Variants in PIP5K1A observed in about 807,000 individuals in gnomAD.
PIP5K1A encodes phosphatidylinositol-4-phosphate 5-kinase type 1 alpha, also known as phosphatidylinositol 4-phosphate 5-kinase type-1 alpha.
In PIP5K1A, 46 loss-of-function variants were observed where a neutral mutation model predicts 72.9. The observed-to-expected ratio is 0.63, with a 90% confidence interval of 0.50 to 0.81. The LOEUF (loss-of-function observed/expected upper bound fraction) is 0.81. Ranked by LOEUF, PIP5K1A falls within the 30% of genes least tolerant of loss-of-function variation. The pLI is 0.00. For missense variants in PIP5K1A, 458 were observed against 706.1 expected (o/e 0.65, Z 3.98); for synonymous variants, 228 against 255.1 (o/e 0.89, Z 1.01).
chr1:151,231,931 C>A (rs1402446567), intron 5 of PIP5K1A, 130 bp downstream of exon 5: 1 of 825,890 alleles, frequency 1.2e-6, no homozygotes, highest in Non-Finnish European at 2.0e-6. Context: ...ACAATCAGGG[C>A]GATGTGGGAC....
In PIP5K1A at chr1:151,214,413, C is replaced by T. The variant is rs376929953; in HGVS notation, c.86-9832C>T. ...GTTTTTGTTTTGAGATAGAGTTTCG[C>T]TCTGTTGCCCAGGCTGGATTTCAGT... On this transcript the variant is annotated intron_variant, in intron 1 of 15. Transcript: ENST00000368888. Among the ~76,000 whole-genome samples, 68 of 152,054 alleles carry T rather than the reference C, an allele frequency of 4.5e-4. 1 individual carries two copies. The highest frequency in any genetic ancestry group is 1.5e-3 in the African/African-American group (64 of 41,460).
At chr1:151,208,711 A>ATGGTACGC (rs1686325743) in intron 1 of PIP5K1A, among the ~76,000 whole-genome samples, 1 of 124,108 alleles carries the variant, frequency 8.1e-6, no homozygotes, top group Non-Finnish European at 1.6e-5. Flanking sequence ...GGATGTTGTA[A>ATGGTACGC]TGGTACGCTT....
At chr1:151,243,288 G>A (rs1000466890) in intron 14 of PIP5K1A, among the ~76,000 whole-genome samples, 4 of 152,178 alleles carry the variant, frequency 2.6e-5, no homozygotes, top group African/African-American at 9.7e-5. Context: ...AGAGTCCAGA[G>A]TTTTATTACC....
chr1:151,244,447 A>C (rs1008691699), intron 14 of PIP5K1A, among the ~76,000 whole-genome samples: 1 of 152,162 alleles, frequency 6.6e-6, no homozygotes, highest in Non-Finnish European at 1.5e-5. Context: ...TGAGCCTAGG[A>C]GTTTAAGATC....
At chr1:151,237,629 C>G (rs1691077419) in intron 9 of PIP5K1A, among the ~76,000 whole-genome samples, 1 of 151,924 alleles carries the variant, frequency 6.6e-6, no homozygotes, top group Non-Finnish European at 1.5e-5. Flanking sequence ...CCACTGCACT[C>G]CAGCTTGGGC....
chr1:151,199,191 A>G, intron 1 of PIP5K1A, 110 bp downstream of exon 1: 1 of 1,573,514 alleles, frequency 6.4e-7, no homozygotes, highest in South Asian at 1.1e-5. Flanking sequence ...GTTACCGGTA[A>G]GTGGGCGCGA....
intron 1 of PIP5K1A, among the ~76,000 whole-genome samples, chr1:151,215,254 T>A (rs2102221896): frequency 6.6e-6 from 1 of 151,932 alleles, no homozygotes; most frequent in East Asian, 1.9e-4. Context: ...GTCATGTTGG[T>A]CTCGAGCTCT....
At chr1:151,227,261 G>A (rs1558272390) in intron 3 of PIP5K1A, 59 bp from the exon 4 acceptor site, 1 of 953,162 alleles carries the variant, frequency 1.0e-6, no homozygotes. Flanking sequence ...ATGTACCATT[G>A]TGGTAGCTAT....
intron 1 of PIP5K1A, among the ~76,000 whole-genome samples, chr1:151,200,931 G>A (rs1208601904): frequency 2.6e-5 from 4 of 151,768 alleles, no homozygotes; most frequent in African/African-American, 7.3e-5. Flanking sequence ...CCGGGTTCAC[G>A]CCATTCTTTT....
intron 10 of PIP5K1A, among the ~76,000 whole-genome samples, chr1:151,238,929 A>G (rs1691261002): frequency 6.6e-6 from 1 of 152,168 alleles, no homozygotes; most frequent in Non-Finnish European, 1.5e-5. Flanking sequence ...TAATTGACTT[A>G]CCTAGAAACA....
At chr1:151,213,740 T>C (rs1687191121) in intron 1 of PIP5K1A, among the ~76,000 whole-genome samples, 1 of 152,194 alleles carries the variant, frequency 6.6e-6, no homozygotes, top group Non-Finnish European at 1.5e-5. Context: ...TTAATGTGTG[T>C]GTGGGGAGTG....
intron 6 of PIP5K1A, 89 bp from the exon 7 acceptor site, chr1:151,232,462 T>G: frequency 6.6e-7 from 1 of 1,516,802 alleles, no homozygotes; most frequent in Non-Finnish European, 9.1e-7. Context: ...TGGTTTTTAT[T>G]TAGAAAAGAA....
In PIP5K1A at chr1:151,213,278, G is replaced by A. The variant is rs147678023; in HGVS notation, c.86-10967G>A. The stretch of plus-strand genomic sequence containing the variant: ...CCTTATAGGCAGTGTGTCCAGAGTA[G>A]GCTTGACATTGTATTTAGCAAAAAT... On this transcript the variant is annotated intron_variant, in intron 1 of 15. Coordinates refer to ENST00000368888, the MANE Select transcript of PIP5K1A (RefSeq NM_001135638.2). 1.4e-3 allele frequency among the ~76,000 whole-genome samples: 207 copies of A among 152,216 alleles called. 2 individuals are homozygous for A. Among genetic ancestry groups the A allele is most frequent in the African/African-American group, 4.8e-3 (200 of 41,542 alleles).
chr1:151,219,513 C>A (rs991029821), intron 1 of PIP5K1A, among the ~76,000 whole-genome samples: 6 of 150,896 alleles, frequency 4.0e-5, no homozygotes, highest in African/African-American at 1.5e-4. Context: ...ATGGTGAAAC[C>A]CCATCTCTAC....
Position 151,227,340 on chromosome 1 carries a change from G to A in PIP5K1A, c.177G>A (p.Met59Ile), listed in dbSNP as rs1213811665. The A allele has an allele frequency of 1.2e-6, 2 of 1,611,658 alleles. No individual in the cohort carries two copies. The highest frequency in any genetic ancestry group is 1.7e-6 in the Non-Finnish European group (2 of 1,178,080). The change falls in exon 4 of 16, where the codon ATG becomes ATA. Residue 59 changes from methionine to isoleucine, a missense_variant. Coordinates refer to ENST00000368888, the MANE Select transcript of PIP5K1A (RefSeq NM_001135638.2). ...TCTAGGTGCCTTATGCCTCTGGCATGCCCATCAAGAAAATAGGCCATAGAA... is the reference window on the plus strand; with the variant it reads ...TCTAGGTGCCTTATGCCTCTGGCATACCCATCAAGAAAATAGGCCATAGAA... ...YISLVPYASGMPIKKIGHRSV... is the reference protein window; with the variant it reads ...YISLVPYASGIPIKKIGHRSV...
chr1:151,212,600 G>A (rs1686978935), intron 1 of PIP5K1A, among the ~76,000 whole-genome samples: 1 of 151,918 alleles, frequency 6.6e-6, no homozygotes, highest in African/African-American at 2.4e-5. Context: ...TTTTGAGACG[G>A]AGTCTCGCTC....
At chr1:151,221,018 T>C (rs1688330250) in intron 1 of PIP5K1A, among the ~76,000 whole-genome samples, 1 of 152,200 alleles carries the variant, frequency 6.6e-6, no homozygotes, top group African/African-American at 2.4e-5. Context: ...CAAGGCTCTT[T>C]TCTCAGAAAT....
intron 3 of PIP5K1A, among the ~76,000 whole-genome samples, chr1:151,225,242 T>G (rs1246079962): frequency 6.6e-6 from 1 of 152,050 alleles, no homozygotes; most frequent in Non-Finnish European, 1.5e-5. Context: ...CCCAGGAGGT[T>G]GAGGCTGCAG....
chr1:151,204,217 C>T (rs1436956112), intron 1 of PIP5K1A, among the ~76,000 whole-genome samples: 2 of 152,048 alleles, frequency 1.3e-5, no homozygotes, highest in African/African-American at 2.4e-5. Context: ...GCTCTTGTTG[C>T]CCTGGTTGGA....
Sources: gnomAD v4.1 joint callset for allele counts (sites outside exome capture counted in the v4.1 genomes callset) on GRCh38, gnomAD v4.1.1 for gene constraint, MANE v1.5 for transcripts, NCBI Gene and HGNC (gene_info 2026-07-23, HGNC 2026-07-21) for gene names.